Variants in RGS19 observed in about 807,000 individuals in gnomAD.
RGS19 encodes regulator of G protein signaling 19.
Under a neutral mutation model 22.0 loss-of-function variants are expected in RGS19, and 9 were observed. The ratio of observed to expected loss-of-function variants is 0.41; its 90% CI spans 0.25 to 0.71. The LOEUF (loss-of-function observed/expected upper bound fraction) is 0.71. RGS19 is among the 30% of genes least tolerant of loss of function. The pLI, the probability that RGS19 is intolerant of heterozygous loss-of-function variation, is 0.32. For synonymous variants in RGS19, 130 were observed against 127.3 expected (o/e 1.02, Z -0.14); for missense variants, 256 against 307.1 (o/e 0.83, Z 1.24).
chr20:64,077,648 T>C (rs991889217), intron 1 of RGS19, among the ~76,000 whole-genome samples: 1 of 152,132 alleles, frequency 6.6e-6, no homozygotes, highest in African/African-American at 2.4e-5. Flanking sequence ...ACCAAGGCCC[T>C]ACCACAGGGT....
At chr20:64,079,758 C>T (rs1301950660), upstream of RGS19, 1 of 151,560 alleles carries the variant, frequency 6.6e-6, no homozygotes, top group Non-Finnish European at 1.5e-5. This position sits in a 1 kb window ranked among gnomAD's most constrained non-coding sequence, Gnocchi z 5.1. Context: ...GCGGCGGGAG[C>T]CCTTGGGGTT....
Position 64,076,948 on chromosome 20 carries a change from T to C in RGS19, c.-62A>G, listed in dbSNP as rs751888446. On this transcript the variant is annotated 5_prime_UTR_variant, in exon 2 of 6. Coordinates refer to ENST00000395042, the MANE Select transcript of RGS19 (RefSeq NM_005873.3). ...CAGCTCTCAGACCCTCACCACAGCC[T>C]GGGGGTCTGGGGAGAGGGGCCAAGG... 84 of 1,411,342 alleles carry C rather than the reference T, an allele frequency of 6.0e-5. No homozygotes were observed. Among genetic ancestry groups the C allele is most frequent in the Non-Finnish European group, 7.5e-5 (80 of 1,068,982 alleles). The allele number at this position is 1,411,342 out of a possible 1,614,324, so 87.4% of individuals were successfully genotyped here.
intron 1 of RGS19, among the ~76,000 whole-genome samples, chr20:64,078,153 C>G (rs2059919559): frequency 4.1e-5 from 1 of 24,440 alleles, no homozygotes; most frequent in Non-Finnish European, 1.0e-4. Context: ...AGAGACAGTG[C>G]TGGAGTTCTG....
At position 64,079,298 on chromosome 20, in the gene RGS19, G is replaced by A. The variant is rs1224103011; in HGVS notation, c.-73C>T. ...ACCTCAAAGCTCCCTACTCACCAGC[G>A]ACCCAAAGGCGGGGTGGGGGCAGGA... On this transcript the variant is annotated 5_prime_UTR_variant, in exon 1 of 6. Coordinates refer to ENST00000395042, the MANE Select transcript of RGS19 (RefSeq NM_005873.3). The surrounding 1 kb of genome is among the most constrained non-coding windows in gnomAD (Gnocchi z 5.1). 1.3e-5 allele frequency: 2 copies of A among 152,168 alleles called. No individual in the cohort carries two copies. Among genetic ancestry groups the A allele is most frequent in the Non-Finnish European group, 2.9e-5 (2 of 68,048 alleles). The allele number at this position is 152,168 out of a possible 1,614,324, so 9.4% of individuals were successfully genotyped here.
Position 64,076,509 on chromosome 20 carries a change from C to T in RGS19, c.152+16G>A, listed in dbSNP as rs538564607. 108 of 1,612,592 alleles carry T rather than the reference C, an allele frequency of 6.7e-5. No homozygotes were observed. In the South Asian group the frequency reaches 1.1e-3, roughly 17 times the overall value. On this transcript the variant is annotated intron_variant, in intron 3 of 5. Coordinates refer to ENST00000395042, the MANE Select transcript of RGS19 (RefSeq NM_005873.3). ...CTCGACCCCCTCGCCAGCTGGGCACCCCAGGCCCTACTCACCAGGAGCAGC... is the reference window on the plus strand; with the variant it reads ...CTCGACCCCCTCGCCAGCTGGGCACTCCAGGCCCTACTCACCAGGAGCAGC...
rs753155089 is a variant in RGS19 at position 64,074,528 on chromosome 20, G to A, written c.166C>T (p.Arg56Trp). 46 of 1,561,314 alleles carry A rather than the reference G, an allele frequency of 2.9e-5. No individual in the cohort carries two copies. In the South Asian group the frequency reaches 3.2e-4, roughly 11 times the overall value. ...TCCCGGGAGGCCTGCCACGCGCGCC[G>A]CCGCTCTTGGTTCCTAGTGGCAGAG... ...CCSCSWNQER[R>W]RAWQASRESK... Residue 56 changes from arginine (R) to tryptophan (W), a missense_variant, in exon 4 of 6, where the codon CGG becomes TGG. Physicochemically the swap from Arg to Trp is moderately radical, Grantham distance 101. Transcript: ENST00000395042.
At chr20:64,077,152 G>C (rs2059912062) in intron 1 of RGS19, 198 bp from the exon 2 acceptor site, 2 of 403,450 alleles carry the variant, frequency 5.0e-6, no homozygotes, top group Non-Finnish European at 4.4e-6. Flanking sequence ...GGAGGGAGCT[G>C]CAGCAGCTTC....
intron 1 of RGS19, among the ~76,000 whole-genome samples, chr20:64,077,722 G>A (rs779693153): frequency 6.6e-6 from 1 of 152,168 alleles, no homozygotes; most frequent in Non-Finnish European, 1.5e-5. Context: ...TCGAAGCCTC[G>A]GAGTCCCTGA....
At chr20:64,074,426 G>A (rs1569261266) in intron 4 of RGS19, 41 bp downstream of exon 4, 2 of 1,575,556 alleles carry the variant, frequency 1.3e-6, no homozygotes, top group Middle Eastern at 1.7e-4. Context: ...CTCCCGGTCT[G>A]GGGCCCCCCC....
rs1183410376 is a variant in RGS19, at chr20:64,075,757, C to T, written c.152+768G>A. 9.2e-5 allele frequency among the ~76,000 whole-genome samples: 14 copies of T among 152,220 alleles called. No individual in the cohort carries two copies. The highest frequency in any genetic ancestry group is 6.2e-4 in the South Asian group (3 of 4,836). On this transcript the variant is annotated intron_variant, in intron 3 of 5. Transcript: ENST00000395042. The surrounding 1 kb of genome is among the most constrained non-coding windows in gnomAD (Gnocchi z 4.6). ...ACCGCCCCCTGCTCTTCTTCCCCCA[C>T]GCATGCTGTCCGGGAAGCTCTTGGC...
In RGS19 at chr20:64,078,781, C is replaced by T. The variant is rs2059931856; in HGVS notation, c.-69+513G>A. On this transcript the variant is annotated intron_variant, in intron 1 of 5. Coordinates refer to ENST00000395042, the MANE Select transcript of RGS19 (RefSeq NM_005873.3). ...GATACAGAGTCTCAACTAGGGTCCT[C>T]CTGCTTGTCAACCTGGCATTGGGGA... Among the ~76,000 whole-genome samples, 4 of 152,162 alleles carry T rather than the reference C, an allele frequency of 2.6e-5. No individual in the cohort carries two copies. The South Asian group carries it at 8.3e-4, about 31-fold the overall frequency.
intron 1 of RGS19, among the ~76,000 whole-genome samples, chr20:64,078,338 T>C (rs931581061): frequency 2.1e-5 from 1 of 47,354 alleles, no homozygotes; most frequent in African/African-American, 5.9e-5. Flanking sequence ...AGACCGAAAG[T>C]AGCCCTGCAG....
chr20:64,075,603 A>AG lies in RGS19; in HGVS notation c.152+921dup, dbSNP rs2059898933. On this transcript the variant is annotated intron_variant, in intron 3 of 5. Transcript: ENST00000395042. The surrounding 1 kb of genome is among the most constrained non-coding windows in gnomAD (Gnocchi z 4.6). The stretch of plus-strand genomic sequence containing the variant: ...TGTCCTCTCATCAGCCAGGGCCTGA[A>AG]GCCTGAATAGGGCCAGGCTTCTGCA... Among the ~76,000 whole-genome samples the AG allele has an allele frequency of 6.6e-6, 1 of 152,014 alleles. No homozygotes were observed. Among genetic ancestry groups the AG allele is most frequent in the East Asian group, 1.9e-4 (1 of 5,170 alleles).
At position 64,073,881 on chromosome 20, in the gene RGS19, C is replaced by T. The variant is rs746565802; in HGVS notation, c.626G>A (p.Gly209Glu). Reference protein sequence around the residue: ...SPTYRALLLQGPSQSSSEA With the variant: ...SPTYRALLLQEPSQSSSEA Reference sequence around the variant, plus strand: ...GGCCTCGGAGGAGGACTGTGATGGCCCCTGCAGCAGCAGGGCACGGTAGGT... The same window carrying T: ...GGCCTCGGAGGAGGACTGTGATGGCTCCTGCAGCAGCAGGGCACGGTAGGT... Residue 209 changes from glycine to glutamate, a missense_variant, in exon 6 of 6, where the codon GGG becomes GAG. Transcript: ENST00000395042. The T allele has an allele frequency of 6.2e-7, 1 of 1,613,010 alleles. No individual in the cohort carries two copies. Among genetic ancestry groups the T allele is most frequent in the South Asian group, 1.1e-5 (1 of 91,060 alleles).
In RGS19 at chr20:64,074,234, C is replaced by T. The variant is rs1456423561; in HGVS notation, c.372G>A (p.Glu124=). ...GCTGGTTGGCCTCGGCCTTCAGCTC[C>T]TCGCAGGCCAACCAGAAGAGCATGT... ...EENMLFWLAC[E]ELKAEANQHV... The change falls in exon 5 of 6, where the codon GAG becomes GAA. Residue 124 remains glutamate, a synonymous_variant. Coordinates refer to ENST00000395042, the MANE Select transcript of RGS19 (RefSeq NM_005873.3). 2.5e-6 allele frequency: 4 copies of T among 1,613,988 alleles called. No individual in the cohort carries two copies. Among genetic ancestry groups the T allele is most frequent in the Non-Finnish European group, 3.4e-6 (4 of 1,180,020 alleles).
In RGS19 at chr20:64,075,894, T is replaced by C. The variant is rs973777851; in HGVS notation, c.152+631A>G. On this transcript the variant is annotated intron_variant, in intron 3 of 5. Coordinates refer to ENST00000395042, the MANE Select transcript of RGS19 (RefSeq NM_005873.3). This position sits in a 1 kb window ranked among gnomAD's most constrained non-coding sequence, Gnocchi z 4.6. The stretch of plus-strand genomic sequence containing the variant: ...CTTTCTTTCTTTCTTTCTTTTTTTT[T>C]TTTTGAGACGGAGTTTTGCTCTTGT... Among the ~76,000 whole-genome samples the C allele has an allele frequency of 2.0e-5, 3 of 150,526 alleles. No homozygotes were observed. The highest frequency in any genetic ancestry group is 7.3e-5 in the African/African-American group (3 of 41,100).
In RGS19 at chr20:64,074,169, T is replaced by A; in HGVS notation, c.437A>T (p.Tyr146Phe). 1 of 1,613,982 alleles carries A rather than the reference T, an allele frequency of 6.2e-7. No individual in the cohort carries two copies. The highest frequency in any genetic ancestry group is 8.5e-7 in the Non-Finnish European group (1 of 1,179,950). The stretch of plus-strand genomic sequence containing the variant: ...CTCCTTGGGGGACAGGATGGATACG[T>A]AGTCCTCGTAGATGAGCCTCGCCTT... ...DEKARLIYEDYVSILSPKEVS... is the reference protein window; with the variant it reads ...DEKARLIYEDFVSILSPKEVS... The change falls in exon 5 of 6, where the codon TAC (tyrosine) becomes TTC (phenylalanine). Residue 146 changes from tyrosine (Y) to phenylalanine (F), a missense_variant. Tyr to Phe is a conservative substitution (Grantham distance 22). Coordinates refer to ENST00000395042, the MANE Select transcript of RGS19 (RefSeq NM_005873.3).
In RGS19 at chr20:64,073,908, G is replaced by A; in HGVS notation, c.599C>T (p.Pro200Leu). Reference protein sequence around the residue: ...RDSYPRFLSSPTYRALLLQGP... With the variant: ...RDSYPRFLSSLTYRALLLQGP... The stretch of plus-strand genomic sequence containing the variant: ...CTGCAGCAGCAGGGCACGGTAGGTG[G>A]GAGAGCTGAGGAAGCGGGGGTAGGA... Residue 200 changes from proline to leucine, a missense_variant, in exon 6 of 6, where the codon CCC (proline) becomes CTC (leucine). Physicochemically the swap from Pro to Leu is moderately conservative, Grantham distance 98 (BLOSUM62 -3). Transcript: ENST00000395042. 1 of 1,613,672 alleles carries A rather than the reference G, an allele frequency of 6.2e-7. No individual in the cohort carries two copies. Among genetic ancestry groups the A allele is most frequent in the African/African-American group, 1.3e-5 (1 of 75,070 alleles).
rs1016893373 is a variant in RGS19, at chr20:64,079,193, C to T, written c.-69+101G>A. 5.3e-5 allele frequency: 8 copies of T among 152,232 alleles called. No individual in the cohort carries two copies. The highest frequency in any genetic ancestry group is 1.4e-4 in the African/African-American group (6 of 41,444). The allele number at this position is 152,232 out of a possible 1,614,324, so 9.4% of individuals were successfully genotyped here. A position where few individuals can be genotyped will look rare whatever the true frequency, so the allele number is the denominator to read the frequency against. On this transcript the variant is annotated intron_variant, in intron 1 of 5. Transcript: ENST00000395042. This position sits in a 1 kb window ranked among gnomAD's most constrained non-coding sequence, Gnocchi z 5.1. ...TGGCCCACCCACCACGCTCCTCTCT[C>T]TGCTGTTAGGGTCCAGTCTGGAGAA...
Sources: allele counts gnomAD v4.1 joint callset (sites outside exome capture counted in the v4.1 genomes callset), GRCh38; gene constraint gnomAD v4.1.1; non-coding constraint Gnocchi (gnomAD v3.1); transcripts MANE v1.5; gene names NCBI Gene and HGNC (gene_info 2026-07-23, HGNC 2026-07-21).